SPAG16: variants seen among roughly 807,000 people sequenced by gnomAD.
The protein encoded by SPAG16 is sperm-associated antigen 16 protein.
A neutral mutation model predicts 80.4 loss-of-function variants in SPAG16; 86 were observed. The ratio of observed to expected loss-of-function variants is 1.07; its 90% CI spans 0.90 to 1.28. The LOEUF (loss-of-function observed/expected upper bound fraction) is 1.28. Ranked by LOEUF, SPAG16 falls within the 50% of genes most tolerant of loss-of-function variation. SPAG16 has a pLI of 0.00. For synonymous variants in SPAG16, 294 were observed against 265.9 expected (o/e 1.11, Z -1.03); for missense variants, 870 against 765.3 (o/e 1.14, Z -1.61).
intron 9 of SPAG16, among the ~76,000 whole-genome samples, chr2:213,379,106 G>T (rs970249477): frequency 6.6e-6 from 1 of 152,106 alleles, no homozygotes; most frequent in Non-Finnish European, 1.5e-5. Context: ...TGATGGCAGC[G>T]TTCCTCCCTC....
chr2:214,065,668 G>A (rs951689380), intron 13 of SPAG16, among the ~76,000 whole-genome samples: 4 of 152,142 alleles, frequency 2.6e-5, no homozygotes, highest in Non-Finnish European at 5.9e-5. Flanking sequence ...TAGTTTATGT[G>A]AGTTTGTATA....
chr2:213,447,531 C>A (rs1575610219), intron 9 of SPAG16, among the ~76,000 whole-genome samples: 2 of 152,280 alleles, frequency 1.3e-5, no homozygotes, highest in South Asian at 2.1e-4. Context: ...TATGATAATT[C>A]TTCTCAATCC....
chr2:214,046,476 A>T (rs1386863854), intron 13 of SPAG16, among the ~76,000 whole-genome samples: 1 of 152,228 alleles, frequency 6.6e-6, no homozygotes, highest in Non-Finnish European at 1.5e-5. Flanking sequence ...ATTGAATTAA[A>T]CAATACCTTA....
At chr2:213,725,682 A>G (rs986224133) in intron 10 of SPAG16, among the ~76,000 whole-genome samples, 1 of 152,194 alleles carries the variant, frequency 6.6e-6, no homozygotes, top group Admixed American at 6.5e-5. Flanking sequence ...TTCCACCTAG[A>G]TATGTCTGCA....
intron 15 of SPAG16, among the ~76,000 whole-genome samples, chr2:214,176,176 A>G (rs1054542684): frequency 5.3e-5 from 8 of 151,346 alleles, no homozygotes; most frequent in African/African-American, 1.7e-4. Context: ...TATAGCATTT[A>G]CCACCATTTC....
chr2:214,066,871 A>G (rs2050555520), intron 13 of SPAG16, among the ~76,000 whole-genome samples: 2 of 152,194 alleles, frequency 1.3e-5, no homozygotes, highest in Admixed American at 6.6e-5. Context: ...TTTGATTTCA[A>G]CTTTCCAAGG....
At position 213,310,100 on chromosome 2, in the gene SPAG16, A is replaced by G; in HGVS notation, c.321A>G (p.Glu107=). ...TTCCTTCAAAGCATGCAGTACCTGA[A>G]GTAATAGAAGACTTTCTCTGCAATT... is the stretch of plus-strand genomic sequence containing the variant. ...TVLPSKHAVP[E]VIEDFLCNFL... Residue 107 remains glutamate, a synonymous_variant, in exon 4 of 16, where the codon GAA becomes GAG. Coordinates refer to ENST00000331683, the MANE Select transcript of SPAG16 (RefSeq NM_024532.5). The G allele has an allele frequency of 6.2e-7, 1 of 1,611,864 alleles. No homozygotes were observed. Among genetic ancestry groups the G allele is most frequent in the Non-Finnish European group, 8.5e-7 (1 of 1,178,642 alleles).
intron 10 of SPAG16, among the ~76,000 whole-genome samples, chr2:213,750,447 A>G (rs1250603422): frequency 6.6e-6 from 1 of 152,244 alleles, no homozygotes; most frequent in Non-Finnish European, 1.5e-5. Context: ...AATTTTTATT[A>G]TAGAAAGCTA....
chr2:213,860,470 TATCTATATATATATATACACAC>T (rs779925885), intron 10 of SPAG16, among the ~76,000 whole-genome samples: 4,593 of 134,202 alleles, frequency 0.034, 118 homozygotes, highest in African/African-American at 0.052. Flanking sequence ...CAGATATATC[TATCTATATATATATATACACAC>T]ATATGTGTGT....
chr2:213,989,543 A>G (rs182157796), intron 12 of SPAG16, among the ~76,000 whole-genome samples: 155 of 152,208 alleles, frequency 1.0e-3, no homozygotes, highest in African/African-American at 3.6e-3. Flanking sequence ...CCTATTCCTT[A>G]TGACCCAACC....
In SPAG16 at chr2:213,358,577, A is replaced by G. The variant is rs539428944; in HGVS notation, c.763-5499A>G. On this transcript the variant is annotated intron_variant, in intron 7 of 15. Coordinates refer to ENST00000331683, the MANE Select transcript of SPAG16 (RefSeq NM_024532.5). ...TACTGAAGCTTGTGCATGCATCACA[A>G]CGTTTTCGTGCTGTGGTTTTCAGCT... is the stretch of plus-strand genomic sequence containing the variant. Among the ~76,000 whole-genome samples, 9 of 152,250 alleles carry G rather than the reference A, an allele frequency of 5.9e-5. No individual in the cohort carries two copies. In the East Asian group the frequency reaches 1.5e-3, roughly 26 times the overall value.
At chr2:214,038,304 A>G (rs2048817522) in intron 13 of SPAG16, among the ~76,000 whole-genome samples, 1 of 152,138 alleles carries the variant, frequency 6.6e-6, no homozygotes, top group East Asian at 1.9e-4. Flanking sequence ...TTTGAATGAC[A>G]TATTTTAACA....
At chr2:213,659,379 AG>A (rs2063338602) in intron 10 of SPAG16, among the ~76,000 whole-genome samples, 1 of 152,012 alleles carries the variant, frequency 6.6e-6, no homozygotes, top group Non-Finnish European at 1.5e-5. Context: ...GGACTCACAG[AG>A]TGGGTTTGCT....
chr2:213,854,517 C>T (rs1437200933), intron 10 of SPAG16, among the ~76,000 whole-genome samples: 1 of 152,166 alleles, frequency 6.6e-6, no homozygotes, highest in Non-Finnish European at 1.5e-5. Context: ...GTGGGCCATT[C>T]TTCAAATCTA....
chr2:213,650,673 G>T (rs897833495), intron 10 of SPAG16, among the ~76,000 whole-genome samples: 6 of 152,124 alleles, frequency 3.9e-5, no homozygotes, highest in African/African-American at 1.4e-4. Context: ...ACTTCTATCT[G>T]CCCTTTTCCA....
At chr2:214,030,637 A>G (rs990845481) in intron 13 of SPAG16, among the ~76,000 whole-genome samples, 4 of 152,202 alleles carry the variant, frequency 2.6e-5, no homozygotes, top group South Asian at 4.1e-4. Flanking sequence ...ATTTAAGTCT[A>G]TGAGTCTTTA....
At chr2:213,518,858 TTATACA>T (rs2075549572) in intron 10 of SPAG16, among the ~76,000 whole-genome samples, 1 of 152,202 alleles carries the variant, frequency 6.6e-6, no homozygotes, top group Non-Finnish European at 1.5e-5. Flanking sequence ...AAAGCAAATA[TTATACA>T]TATACACTGT....
chr2:213,939,938 G>A (rs999188663), intron 12 of SPAG16, among the ~76,000 whole-genome samples: 3 of 152,114 alleles, frequency 2.0e-5, no homozygotes, highest in African/African-American at 7.2e-5. Flanking sequence ...TCCAAAAATA[G>A]TGTTTTCTTC....
intron 14 of SPAG16, among the ~76,000 whole-genome samples, chr2:214,146,092 C>A (rs916820436): frequency 1.3e-5 from 2 of 152,174 alleles, no homozygotes; most frequent in African/African-American, 4.8e-5. Flanking sequence ...GTCATGAAAT[C>A]TCACCTATCT....
Sources: gnomAD v4.1 joint callset for allele counts (sites outside exome capture counted in the v4.1 genomes callset) on GRCh38, gnomAD v4.1.1 for gene constraint, MANE v1.5 for transcripts, NCBI Gene and HGNC (gene_info 2026-07-23, HGNC 2026-07-21) for gene names.